DLGAP2: variants seen among roughly 807,000 people sequenced by gnomAD.
The protein encoded by DLGAP2 is DLG associated protein 2, also known as disks large-associated protein 2.
In DLGAP2, 26 loss-of-function variants were observed where a neutral mutation model predicts 100.3. The observed-to-expected ratio is 0.26, with a 90% CI of 0.19 to 0.36. The LOEUF (loss-of-function observed/expected upper bound fraction) is 0.36, where lower values mean the gene tolerates loss of function less well. Among genes scored for constraint, DLGAP2 ranks in the 10% least tolerant of loss-of-function variants. The probability of loss-of-function intolerance (pLI) is 1.00; values close to 1 mark genes in which losing one functional copy is unlikely to be tolerated. For missense variants in DLGAP2, 1,858 were observed against 1,453.2 expected, an observed-to-expected ratio of 1.28 and a Z score of -4.53; for synonymous variants, 886 against 630.1, an observed-to-expected ratio of 1.41 and a Z score of -6.08.
rs138330353 is a variant in DLGAP2 at position 1,434,079 on chromosome 8, G to C, written c.107-67287G>C. Among the ~76,000 whole-genome samples the C allele has an allele frequency of 1.0e-3, 157 of 152,302 alleles. No homozygotes were observed. The East Asian group carries it at 0.016, about 16-fold the overall frequency. ...CAGAAATGGCGCTGAATGAGGCTCTGTGCTATGGGCGTGGCTGCTTTGCAG... is the reference window on the plus strand; with the variant it reads ...CAGAAATGGCGCTGAATGAGGCTCTCTGCTATGGGCGTGGCTGCTTTGCAG... On this transcript the variant is annotated intron_variant, in intron 3 of 14. Transcript: ENST00000637795.
chr8:1,152,222 A>G (rs57137928), intron 2 of DLGAP2, among the ~76,000 whole-genome samples: 6,713 of 152,256 alleles, frequency 0.044, 508 homozygotes, highest in African/African-American at 0.15. Flanking sequence ...AATTCTTTAT[A>G]TATTGTTGAT....
intron 3 of DLGAP2, among the ~76,000 whole-genome samples, chr8:1,476,111 C>G (rs1217511492): frequency 1.3e-5 from 2 of 152,188 alleles, no homozygotes; most frequent in African/African-American, 2.4e-5. Context: ...GTCTGAAGAA[C>G]AAGACAGTGA....
intron 2 of DLGAP2, among the ~76,000 whole-genome samples, chr8:916,624 T>C (rs1308338693): frequency 1.3e-5 from 2 of 152,176 alleles, no homozygotes; most frequent in Admixed American, 1.3e-4. Flanking sequence ...ACCTGCACGT[T>C]GTGCACATGT....
In DLGAP2 at chr8:1,235,554, C is replaced by G. The variant is rs1286640894; in HGVS notation, c.74-23297C>G. On this transcript the variant is annotated intron_variant, in intron 2 of 14. Transcript: ENST00000637795. ...CATGTCTAGTTCTCTCACATGGCGC[C>G]ATGTCTAGTTCTCTCACATGGCACC... 3.3e-4 allele frequency among the ~76,000 whole-genome samples: 9 copies of G among 27,244 alleles called. 2 individuals carry two copies. In the South Asian group the frequency reaches 7.7e-3, roughly 23 times the overall value. 17.9% of individuals were successfully genotyped at this position (27,244 alleles called of 152,430 possible).
At chr8:1,241,443 C>T (rs1218748703) in intron 2 of DLGAP2, among the ~76,000 whole-genome samples, 1 of 152,234 alleles carries the variant, frequency 6.6e-6, no homozygotes, top group African/African-American at 2.4e-5. Context: ...GTCTGGAGCT[C>T]TCTCACACCC....
rs569095758 is a variant in DLGAP2 at position 1,491,991 on chromosome 8, C to T, written c.107-9375C>T. Among the ~76,000 whole-genome samples the T allele has an allele frequency of 1.1e-3, 168 of 152,298 alleles. 1 individual carries two copies. Among genetic ancestry groups the T allele is most frequent in the Non-Finnish European group, 1.7e-3 (114 of 68,030 alleles). On this transcript the variant is annotated intron_variant, in intron 3 of 14. Transcript: ENST00000637795. ...ACTGGAGCCGGGCTCCGCTGTCGTG[C>T]GCCTTTGCAGCCATCTGTTCTGACA...
chr8:1,421,011 C>G (rs1364576455), intron 3 of DLGAP2, among the ~76,000 whole-genome samples: 5 of 152,296 alleles, frequency 3.3e-5, no homozygotes, highest in African/African-American at 1.2e-4. Flanking sequence ...TAGCTCCTCT[C>G]AGGAGGATGC....
intron 2 of DLGAP2, among the ~76,000 whole-genome samples, chr8:1,176,900 A>G (rs985467979): frequency 5.3e-5 from 8 of 152,172 alleles, no homozygotes; most frequent in Non-Finnish European, 1.2e-4. Flanking sequence ...ACCAACTCAG[A>G]CAGGACCTGC....
chr8:796,376 C>G (rs993436713), intron 1 of DLGAP2, among the ~76,000 whole-genome samples: 2 of 152,160 alleles, frequency 1.3e-5, no homozygotes, highest in South Asian at 2.1e-4. Context: ...TCCGAACTGA[C>G]TTCTGCCTTT....
chr8:1,240,357 C>G (rs1194980444), intron 2 of DLGAP2, among the ~76,000 whole-genome samples: 2 of 148,750 alleles, frequency 1.3e-5, no homozygotes, highest in African/African-American at 2.5e-5. Flanking sequence ...ATGTCTAGTT[C>G]TGTCTCACAC....
intron 3 of DLGAP2, among the ~76,000 whole-genome samples, chr8:1,344,520 A>G (rs1801510825): frequency 6.6e-6 from 1 of 152,178 alleles, no homozygotes; most frequent in Non-Finnish European, 1.5e-5. Flanking sequence ...TATCTGTAAA[A>G]TCGGAATATT....
intron 5 of DLGAP2, among the ~76,000 whole-genome samples, chr8:1,562,455 C>G (rs369927751): frequency 7.5e-4 from 16 of 21,356 alleles, no homozygotes; most frequent in East Asian, 1.5e-3. Flanking sequence ...CTCGTTGCTG[C>G]GGGACTGTGT....
chr8:1,172,960 C>A lies in DLGAP2; in HGVS notation c.74-85891C>A, dbSNP rs189105399. Among the ~76,000 whole-genome samples the A allele has an allele frequency of 9.2e-5, 14 of 152,288 alleles. No individual in the cohort carries two copies. In the East Asian group the frequency reaches 2.5e-3, roughly 27 times the overall value. ...GCTTTGGAGGAGGAGAGGTGCTCTG[C>A]TTTTTAGAGTTTCCATTTTTTCTGC... On this transcript the variant is annotated intron_variant, in intron 2 of 14. Transcript: ENST00000637795.
At chr8:1,640,282 G>A (rs1170085223) in intron 8 of DLGAP2, among the ~76,000 whole-genome samples, 1 of 152,020 alleles carries the variant, frequency 6.6e-6, no homozygotes, top group East Asian at 1.9e-4. Flanking sequence ...ACCCTGGGAA[G>A]CCCAGGTGTG....
rs534659605 is a variant in DLGAP2 at position 1,471,754 on chromosome 8, C to T, written c.107-29612C>T. Among the ~76,000 whole-genome samples the T allele has an allele frequency of 2.6e-5, 4 of 152,308 alleles. No homozygotes were observed. The South Asian group carries it at 6.2e-4, about 24-fold the overall frequency. On this transcript the variant is annotated intron_variant, in intron 3 of 14. Transcript: ENST00000637795. ...TGACGGACCATGCTGTGTAGGAATT[C>T]ACCCTTGCTACTCCCATCCTTGGGT... is the stretch of plus-strand genomic sequence containing the variant.
At chr8:1,256,147 C>CTG in intron 2 of DLGAP2, among the ~76,000 whole-genome samples, 1 of 124,114 alleles carries the variant, frequency 8.1e-6, no homozygotes, top group Admixed American at 8.8e-5. Flanking sequence ...TCCTCTCATG[C>CTG]CTGGGTGCTG....
rs545289526 is a variant in DLGAP2, at chr8:1,088,343, T to C, written c.74-170508T>C. On this transcript the variant is annotated intron_variant, in intron 2 of 14. Transcript: ENST00000637795. ...GTGGGACAGGGCACCAAGGGCCTGG[T>C]GGGGACTGGGTGACACAGGACTTTC... Among the ~76,000 whole-genome samples the C allele has an allele frequency of 1.3e-4, 19 of 151,914 alleles. No individual in the cohort carries two copies. In the East Asian group the frequency reaches 3.7e-3, roughly 29 times the overall value.
chr8:1,183,899 A>G lies in DLGAP2; in HGVS notation c.74-74952A>G, dbSNP rs562515488. Among the ~76,000 whole-genome samples, 5 of 152,342 alleles carry G rather than the reference A, an allele frequency of 3.3e-5. 1 individual carries two copies. Among genetic ancestry groups the G allele is most frequent in the Non-Finnish European group, 2.9e-5 (2 of 68,028 alleles). ...ATTTAAGGTCTCTGAGCCTTTGTCT[A>G]TTTATCAAATAGGAATAATAGCATT... On this transcript the variant is annotated intron_variant, in intron 2 of 14. Transcript: ENST00000637795.
intron 2 of DLGAP2, among the ~76,000 whole-genome samples, chr8:1,193,525 C>G (rs1797683373): frequency 6.6e-6 from 1 of 152,188 alleles, no homozygotes; most frequent in African/African-American, 2.4e-5. Context: ...AGGGCTCATT[C>G]ACGCTGAAAT....
Sources: allele counts gnomAD v4.1 joint callset (sites outside exome capture counted in the v4.1 genomes callset), GRCh38; gene constraint gnomAD v4.1.1; transcripts MANE v1.5; gene names NCBI Gene and HGNC (gene_info 2026-07-23, HGNC 2026-07-21).